Variants in PTPRN2 observed in about 807,000 individuals in gnomAD.
The protein encoded by PTPRN2 is protein tyrosine phosphatase receptor type N2.
In PTPRN2, 74 loss-of-function variants were observed where a neutral mutation model predicts 118.8. The observed-to-expected ratio is 0.62, with a 90% CI of 0.52 to 0.76. The LOEUF is 0.76. PTPRN2 is among the 30% of genes least tolerant of loss of function. PTPRN2 has a pLI of 0.00. For missense variants in PTPRN2, 1,481 were observed against 1,394.4 expected, an observed-to-expected ratio of 1.06 and a Z score of -0.99; for synonymous variants, 641 against 608.0, an observed-to-expected ratio of 1.05 and a Z score of -0.80.
intron 12 of PTPRN2, among the ~76,000 whole-genome samples, chr7:157,855,460 T>C (rs1030675765): frequency 3.3e-5 from 5 of 152,162 alleles, no homozygotes; most frequent in Non-Finnish European, 7.4e-5. Context: ...AAACGCTGAG[T>C]GGTGCCGCTT....
intron 1 of PTPRN2, among the ~76,000 whole-genome samples, chr7:158,493,377 GCACA>G (rs1221801186): frequency 7.3e-6 from 1 of 137,280 alleles, no homozygotes; most frequent in Admixed American, 7.4e-5. Flanking sequence ...ATACACACAT[GCACA>G]CACTCATACA....
chr7:157,977,723 G>A lies in PTPRN2; in HGVS notation c.1724-78986C>T, dbSNP rs1802857777. On this transcript the variant is annotated intron_variant, in intron 11 of 22. Coordinates refer to ENST00000389418, the MANE Select transcript of PTPRN2 (RefSeq NM_002847.5). This position sits in a 1 kb window ranked among gnomAD's most constrained non-coding sequence, Gnocchi z 4.6. ...GTGAGCAGGGGAGGTGGGGGCGGGA[G>A]GAAGTGAGAGGTAGGATCTGGTACC... 6.6e-6 allele frequency among the ~76,000 whole-genome samples: 1 copy of A among 151,800 alleles called. No homozygotes were observed. Among genetic ancestry groups the A allele is most frequent in the Admixed American group, 6.6e-5 (1 of 15,252 alleles).
chr7:157,747,298 G>A, intron 12 of PTPRN2, among the ~76,000 whole-genome samples: 1 of 138,438 alleles, frequency 7.2e-6, no homozygotes, highest in African/African-American at 2.7e-5. Context: ...GCGTCTCTGA[G>A]CTGTGGGGTG....
chr7:158,289,506 T>A (rs1264470340), intron 3 of PTPRN2, among the ~76,000 whole-genome samples: 3 of 152,226 alleles, frequency 2.0e-5, no homozygotes, highest in African/African-American at 4.8e-5. Context: ...CTAGAATTTT[T>A]AAAAAATAAT....
intron 2 of PTPRN2, among the ~76,000 whole-genome samples, chr7:158,365,660 C>A (rs1167444682): frequency 2.1e-5 from 3 of 144,784 alleles, no homozygotes; most frequent in African/African-American, 8.6e-5. Flanking sequence ...TGCACACGCA[C>A]ACACACAGCA....
intron 2 of PTPRN2, among the ~76,000 whole-genome samples, chr7:158,383,914 T>C (rs1034406146): frequency 6.6e-6 from 1 of 152,248 alleles, no homozygotes; most frequent in Non-Finnish European, 1.5e-5. Flanking sequence ...AGAGCCACTA[T>C]GCTCCGGAAA....
chr7:158,290,596 G>A (rs1198034562), intron 3 of PTPRN2, among the ~76,000 whole-genome samples: 1 of 152,146 alleles, frequency 6.6e-6, no homozygotes, highest in Non-Finnish European at 1.5e-5. Context: ...CTTGGTTGGT[G>A]GGGGATCAGG....
chr7:158,456,457 G>A (rs757527060), intron 2 of PTPRN2, among the ~76,000 whole-genome samples: 5 of 150,338 alleles, frequency 3.3e-5, no homozygotes, highest in African/African-American at 4.9e-5. Flanking sequence ...ATAATGGCAC[G>A]GACGCCATCG....
At chr7:158,230,656 A>T (rs569122315) in intron 3 of PTPRN2, among the ~76,000 whole-genome samples, 1 of 152,344 alleles carries the variant, frequency 6.6e-6, no homozygotes, top group Admixed American at 6.5e-5. Flanking sequence ...TACAATAAAA[A>T]AAAACTGTAA....
At chr7:158,114,907 G>T (rs541535588) in intron 9 of PTPRN2, among the ~76,000 whole-genome samples, 1 of 152,170 alleles carries the variant, frequency 6.6e-6, no homozygotes, top group East Asian at 1.9e-4. Context: ...TGAGAGAAGG[G>T]GCAGGGGAGG....
intron 2 of PTPRN2, among the ~76,000 whole-genome samples, chr7:158,479,366 G>A (rs770077343): frequency 2.0e-5 from 3 of 151,982 alleles, no homozygotes; most frequent in Non-Finnish European, 4.4e-5. Flanking sequence ...TCTCTCCTCC[G>A]CTCTTCTTTC....
intron 3 of PTPRN2, among the ~76,000 whole-genome samples, chr7:158,275,384 T>C (rs917898315): frequency 1.3e-5 from 2 of 152,166 alleles, no homozygotes; most frequent in Non-Finnish European, 2.9e-5. Flanking sequence ...CACTCTGTTT[T>C]TTCTACATTG....
chr7:158,505,751 C>G (rs567183693), intron 1 of PTPRN2, among the ~76,000 whole-genome samples: 1 of 151,948 alleles, frequency 6.6e-6, no homozygotes, highest in Non-Finnish European at 1.5e-5. Flanking sequence ...CCTGAGCACG[C>G]GCCTCACTCC....
At chr7:157,913,658 CT>C (rs932647501) in intron 11 of PTPRN2, among the ~76,000 whole-genome samples, 1 of 152,124 alleles carries the variant, frequency 6.6e-6, no homozygotes, top group Admixed American at 6.6e-5. Context: ...ATTTTTTTCT[CT>C]TTTCATTAAT....
At chr7:158,096,147 A>G (rs1012673192) in intron 10 of PTPRN2, among the ~76,000 whole-genome samples, 9 of 152,202 alleles carry the variant, frequency 5.9e-5, no homozygotes, top group African/African-American at 2.2e-4. Context: ...AAACCTCCAC[A>G]GCAGACGTTA....
intron 1 of PTPRN2, among the ~76,000 whole-genome samples, chr7:158,491,819 A>G (rs1821469934): frequency 6.6e-6 from 1 of 152,098 alleles, no homozygotes; most frequent in South Asian, 2.1e-4. Context: ...CCATTTACCC[A>G]TCAGCTAACC....
intron 2 of PTPRN2, among the ~76,000 whole-genome samples, chr7:158,429,774 G>C (rs1044169443): frequency 4.6e-5 from 7 of 152,240 alleles, no homozygotes; most frequent in Non-Finnish European, 8.8e-5. Flanking sequence ...ATGCAGGAGT[G>C]GGTTTCCATA....
intron 12 of PTPRN2, among the ~76,000 whole-genome samples, chr7:157,733,440 T>G (rs1361492739): frequency 7.6e-5 from 4 of 52,958 alleles, no homozygotes; most frequent in Admixed American, 3.5e-4. Context: ...TTCCGTCCCA[T>G]GCGCCCAGCA....
chr7:157,806,807 G>T (rs1252664077), intron 12 of PTPRN2, among the ~76,000 whole-genome samples: 1 of 152,216 alleles, frequency 6.6e-6, no homozygotes, highest in Non-Finnish European at 1.5e-5. Flanking sequence ...ACCACGGCCC[G>T]GTGGTCTGCA....
Sources: allele counts gnomAD v4.1 joint callset (sites outside exome capture counted in the v4.1 genomes callset), GRCh38; gene constraint gnomAD v4.1.1; non-coding constraint Gnocchi (gnomAD v3.1); transcripts MANE v1.5; gene names NCBI Gene and HGNC (gene_info 2026-07-23, HGNC 2026-07-21).